SLC22A12: variants seen among roughly 807,000 people sequenced by gnomAD.
The protein encoded by SLC22A12 is organic anion transporter 4-like protein.
In SLC22A12, 56 loss-of-function variants were observed where a neutral mutation model predicts 52.7. The ratio of observed to expected loss-of-function variants is 1.06; its 90% CI spans 0.86 to 1.33. SLC22A12 has a LOEUF of 1.33. Among genes scored for constraint, SLC22A12 ranks in the 40% most tolerant of loss-of-function variants. The pLI is 0.00. For synonymous variants in SLC22A12, 337 were observed against 324.6 expected (o/e 1.04, Z -0.41); for missense variants, 683 against 741.5 (o/e 0.92, Z 0.92).
chr11:64,601,608 G>A lies in SLC22A12; in HGVS notation c.*57G>A. ...AGGAAGAGACTTCTTCTGTTCTCTG[G>A]AGAAGGCAGGAGGAAAGCAAAGACC... On this transcript the variant is annotated 3_prime_UTR_variant, in exon 10 of 10. Coordinates refer to ENST00000377574, the MANE Select transcript of SLC22A12 (RefSeq NM_144585.4). The A allele has an allele frequency of 8.2e-6, 13 of 1,580,370 alleles. 1 individual carries two copies. Among genetic ancestry groups the A allele is most frequent in the African/African-American group, 2.7e-5 (2 of 74,280 alleles).
rs548290586 is a variant in SLC22A12, at chr11:64,595,603, T to C, written c.830+1800T>C. On this transcript the variant is annotated intron_variant, in intron 4 of 9. Transcript: ENST00000377574. The stretch of plus-strand genomic sequence containing the variant: ...TGGAATGGAAGGAGGGATGGATGGA[T>C]GGATGGTTGAATGGATGGATAGATG... Among the ~76,000 whole-genome samples the C allele has an allele frequency of 2.8e-4, 39 of 139,648 alleles. 1 individual carries two copies. In the South Asian group the frequency reaches 8.4e-3, roughly 30 times the overall value. 91.6% of individuals were successfully genotyped at this position (139,648 alleles called of 152,430 possible). A position where few individuals can be genotyped will look rare whatever the true frequency, so the allele number is the denominator to read the frequency against.
chr11:64,598,067 T>C (rs2039310933), intron 4 of SLC22A12, among the ~76,000 whole-genome samples: 1 of 151,934 alleles, frequency 6.6e-6, no homozygotes. Flanking sequence ...CCATGTGGTA[T>C]GGGAGGTGCC....
intron 4 of SLC22A12, among the ~76,000 whole-genome samples, chr11:64,596,086 TTGAA>T (rs2039201986): frequency 8.9e-6 from 1 of 112,320 alleles, no homozygotes; most frequent in South Asian, 3.1e-4. Flanking sequence ...GGTTTGATGG[TTGAA>T]TGGATGGATG....
At chr11:64,596,178 AATGGATGG>A (rs1201869357) in intron 4 of SLC22A12, among the ~76,000 whole-genome samples, 16 of 145,522 alleles carry the variant, frequency 1.1e-4, no homozygotes, top group African/African-American at 3.6e-4. Flanking sequence ...GAATAGATGG[AATGGATGG>A]ATGGATGGAT....
At chr11:64,592,741 C>T (rs1379829735) in intron 1 of SLC22A12, 38 bp from the exon 2 acceptor site, 2 of 1,572,366 alleles carry the variant, frequency 1.3e-6, no homozygotes, top group East Asian at 2.2e-5. Context: ...CTGGGGCTCT[C>T]CCAACCTCCT....
chr11:64,596,112 T>A (rs1257179806), intron 4 of SLC22A12, among the ~76,000 whole-genome samples: 4 of 150,508 alleles, frequency 2.7e-5, no homozygotes, highest in Non-Finnish European at 5.9e-5. Context: ...ATGGAATGGA[T>A]GGATGAATGG....
rs1158825752 is a variant in SLC22A12 at position 64,591,784 on chromosome 11, C to T, written c.228C>T (p.Ser76=). ...SLSPEALLAI[S]IPPGPNQRPH... The stretch of plus-strand genomic sequence containing the variant: ...GTCCTGAGGCCCTCCTGGCTATTTC[C>T]ATCCCGCCGGGCCCCAACCAGAGGC... The change falls in exon 1 of 10, where the codon TCC becomes TCT. Residue 76 remains serine (S), a synonymous_variant. Transcript: ENST00000377574. 6.2e-7 allele frequency: 1 copy of T among 1,612,740 alleles called. No individual in the cohort carries two copies. Among genetic ancestry groups the T allele is most frequent in the Non-Finnish European group, 8.5e-7 (1 of 1,179,998 alleles).
At position 64,600,404 on chromosome 11, in the gene SLC22A12, G is replaced by A; in HGVS notation, c.1323G>A (p.Gly441=). Residue 441 remains glycine, a synonymous_variant, in exon 8 of 10, where the codon GGG becomes GGA. Transcript: ENST00000377574. ...GALRSALAVL[G]LGGVGAAFTC... is the part of the protein sequence containing the mutation. ...TGCGCTCAGCCTTGGCCGTGCTGGGGCTGGGCGGGGTGGGGGCTGCCTTCA... is the reference window on the plus strand; with the variant it reads ...TGCGCTCAGCCTTGGCCGTGCTGGGACTGGGCGGGGTGGGGGCTGCCTTCA... The A allele has an allele frequency of 1.2e-6, 2 of 1,607,550 alleles. No individual in the cohort carries two copies. The highest frequency in any genetic ancestry group is 1.7e-6 in the Non-Finnish European group (2 of 1,179,232).
intron 4 of SLC22A12, 109 bp from the exon 5 acceptor site, chr11:64,598,407 C>T: frequency 2.7e-6 from 4 of 1,500,480 alleles, no homozygotes; most frequent in Non-Finnish European, 3.6e-6. Context: ...CTCAGCCGCC[C>T]TAAGCCTTGG....
In SLC22A12 at chr11:64,601,800, G is replaced by A. The variant is rs751683586; in HGVS notation, c.*249G>A. 2.0e-6 allele frequency: 1 copy of A among 497,222 alleles called. No individual in the cohort carries two copies. The highest frequency in any genetic ancestry group is 3.7e-6 in the Non-Finnish European group (1 of 271,574). 30.8% of individuals were successfully genotyped at this position (497,222 alleles called of 1,614,324 possible). ...AGGTGACCCAGTGCACCATCACCCT[G>A]CCCTGCCCTCGTGGCTTCGGAGAGC... On this transcript the variant is annotated 3_prime_UTR_variant, in exon 10 of 10. Transcript: ENST00000377574.
At chr11:64,593,955 C>G (rs906029891) in intron 4 of SLC22A12, 152 bp downstream of exon 4, 20 of 1,222,488 alleles carry the variant, frequency 1.6e-5, no homozygotes, top group Admixed American at 2.0e-5. Flanking sequence ...GCAGAGTGTA[C>G]CACCCACAAA....
Position 64,601,479 on chromosome 11 carries a change from C to T in SLC22A12, c.1599-9C>T, listed in dbSNP as rs781611232. On this transcript the variant is annotated splice_polypyrimidine_tract_variant and intron_variant, in intron 9 of 9. Coordinates refer to ENST00000377574, the MANE Select transcript of SLC22A12 (RefSeq NM_144585.4). The stretch of plus-strand genomic sequence containing the variant: ...CCCCAAGACACACCCCCGTGTGCTT[C>T]CTGAACAGGGCAGTAAAGAAGGCAA... The T allele has an allele frequency of 1.2e-6, 2 of 1,612,888 alleles. No individual in the cohort carries two copies. Among genetic ancestry groups the T allele is most frequent in the Admixed American group, 3.3e-5 (2 of 59,926 alleles).
At chr11:64,601,381 C>T in intron 9 of SLC22A12, 107 bp from the exon 10 acceptor site, 1 of 1,180,826 alleles carries the variant, frequency 8.5e-7, no homozygotes, top group Non-Finnish European at 1.2e-6. Flanking sequence ...TTCTGGGCCC[C>T]CGAGAGCAGG....
At position 64,598,860 on chromosome 11, in the gene SLC22A12, G is replaced by A. The variant is rs1385634638; in HGVS notation, c.1007G>A (p.Ser336Asn). 6.2e-7 allele frequency: 1 copy of A among 1,612,858 alleles called. No individual in the cohort carries two copies. Among genetic ancestry groups the A allele is most frequent in the South Asian group, 1.1e-5 (1 of 91,084 alleles). ...CTGAGCATGGGCCAGCCTCCTGCCAGCCTGGGCACCCTGCTCCGCATGCCC... is the reference window on the plus strand; with the variant it reads ...CTGAGCATGGGCCAGCCTCCTGCCAACCTGGGCACCCTGCTCCGCATGCCC... ...EELSMGQPPA[S>N]LGTLLRMPGL... The change falls in exon 6 of 10, where the codon AGC (serine) becomes AAC (asparagine). Residue 336 changes from serine (S) to asparagine (N), a missense_variant. Ser to Asn is a conservative substitution (Grantham distance 46). Coordinates refer to ENST00000377574, the MANE Select transcript of SLC22A12 (RefSeq NM_144585.4).
At chr11:64,597,233 G>T (rs2039275377) in intron 4 of SLC22A12, among the ~76,000 whole-genome samples, 1 of 152,058 alleles carries the variant, frequency 6.6e-6, no homozygotes. Flanking sequence ...CATCACTTGT[G>T]GTACCTGCTA....
At position 64,600,929 on chromosome 11, in the gene SLC22A12, T is replaced by A. The variant is rs1454650504; in HGVS notation, c.1589T>A (p.Val530Glu). 3 of 1,608,386 alleles carry A rather than the reference T, an allele frequency of 1.9e-6. No homozygotes were observed. The highest frequency in any genetic ancestry group is 1.1e-5 in the South Asian group (1 of 91,064). Residue 530 changes from valine to glutamate, a missense_variant, in exon 9 of 10, where the codon GTG becomes GAG. Physicochemically the swap from Val to Glu is moderately radical, Grantham distance 121. Coordinates refer to ENST00000377574, the MANE Select transcript of SLC22A12 (RefSeq NM_144585.4). ...SLPLPDTIQD[V>E]QNQAVKKATH... ...CCGCTGCCCGACACCATCCAAGATG[T>A]GCAGAACCAGTGAGTGGACCCAGCC...
At chr11:64,599,300 A>G (rs1389265278) in intron 6 of SLC22A12, among the ~76,000 whole-genome samples, 1 of 152,112 alleles carries the variant, frequency 6.6e-6, no homozygotes. Flanking sequence ...GCCATCCAGC[A>G]AAGACCAAAA....
In SLC22A12 at chr11:64,599,856, G is replaced by C. The variant is rs779440346; in HGVS notation, c.1251G>C (p.Gly417=). 6.2e-7 allele frequency: 1 copy of C among 1,612,692 alleles called. No individual in the cohort carries two copies. The highest frequency in any genetic ancestry group is 1.1e-5 in the South Asian group (1 of 91,062). Residue 417 remains glycine, a synonymous_variant, in exon 7 of 10, where the codon GGG becomes GGC. Transcript: ENST00000377574. The part of the protein sequence containing the change: ...PTLAASLLLA[G]LCILANTLVP... ...TGGCCGCATCCCTGTTGCTGGCAGGGCTCTGCATTCTGGCCAACACGCTGG... is the reference window on the plus strand; with the variant it reads ...TGGCCGCATCCCTGTTGCTGGCAGGCCTCTGCATTCTGGCCAACACGCTGG...
intron 6 of SLC22A12, among the ~76,000 whole-genome samples, chr11:64,599,304 A>T (rs1345201803): frequency 6.6e-6 from 1 of 152,020 alleles, no homozygotes; most frequent in Non-Finnish European, 1.5e-5. Context: ...TCCAGCAAAG[A>T]CCAAAACCGC....
Sources: gnomAD v4.1 joint callset for allele counts (sites outside exome capture counted in the v4.1 genomes callset) on GRCh38, gnomAD v4.1.1 for gene constraint, MANE v1.5 for transcripts, NCBI Gene and HGNC (gene_info 2026-07-23, HGNC 2026-07-21) for gene names.